Variants in NUDT4 observed in about 807,000 individuals in gnomAD.
NUDT4 encodes the protein diphosphoinositol polyphosphate phosphohydrolase 2.
Under a neutral mutation model 23.1 loss-of-function variants are expected in NUDT4, and 5 were observed. The observed-to-expected ratio is 0.22, with a 90% CI of 0.11 to 0.46. NUDT4 has a LOEUF of 0.46. Among genes scored for constraint, NUDT4 ranks in the 20% least tolerant of loss-of-function variants. NUDT4 has a pLI of 0.99. For synonymous variants in NUDT4, 50 were observed against 79.0 expected, an observed-to-expected ratio of 0.63 and a Z score of 1.95; for missense variants, 96 against 211.6, an observed-to-expected ratio of 0.45 and a Z score of 3.39.
intron 1 of NUDT4, among the ~76,000 whole-genome samples, chr12:93,382,704 T>A (rs1875768272): frequency 7.4e-6 from 1 of 135,770 alleles, no homozygotes; most frequent in Non-Finnish European, 1.5e-5. Flanking sequence ...TGAGACAGAG[T>A]CTCGCTCTGT....
chr12:93,391,330 C>G (rs1876483228), intron 1 of NUDT4, among the ~76,000 whole-genome samples: 1 of 151,858 alleles, frequency 6.6e-6, no homozygotes, highest in South Asian at 2.1e-4. Context: ...TTTGGGAGGC[C>G]AAGGCAGGCA....
Position 93,387,919 on chromosome 12 carries a change from C to A in NUDT4, c.100-6690C>A, listed in dbSNP as rs565816443. Among the ~76,000 whole-genome samples the A allele has an allele frequency of 1.3e-4, 20 of 152,270 alleles. No individual in the cohort carries two copies. The East Asian group carries it at 3.9e-3, about 29-fold the overall frequency. On this transcript the variant is annotated intron_variant, in intron 1 of 4. Coordinates refer to ENST00000415493, the MANE Select transcript of NUDT4 (RefSeq NM_019094.6). ...GTCTATTCTCTTATCTGGAGTGTAT[C>A]CCTCAGTTCTTGCTCACTCTTAGTC...
chr12:93,398,688 C>A, intron 3 of NUDT4, 83 bp from the exon 4 acceptor site: 1 of 860,364 alleles, frequency 1.2e-6, no homozygotes, highest in Non-Finnish European at 1.9e-6. Flanking sequence ...CAGCAGTATG[C>A]CAGACTAATT....
chr12:93,380,500 T>A (rs1875582099), intron 1 of NUDT4, among the ~76,000 whole-genome samples: 1 of 152,144 alleles, frequency 6.6e-6, no homozygotes, highest in Admixed American at 6.5e-5. Context: ...ATTAGAAAAA[T>A]CCATTGTATA....
chr12:93,392,684 T>TCC (rs1555193957), intron 1 of NUDT4, among the ~76,000 whole-genome samples: 7 of 101,590 alleles, frequency 6.9e-5, no homozygotes, highest in South Asian at 6.6e-4. Flanking sequence ...TTTTTTTTTT[T>TCC]CCCCCGAGAT....
In NUDT4 at chr12:93,404,467, C is replaced by G. The variant is rs566740739; in HGVS notation, c.*5088C>G. ...CATACCCTTTCACCCAACAGTTCCA[C>G]TCCTGGGAGTCTAGTCAACAAATGG... On this transcript the variant is annotated 3_prime_UTR_variant, in exon 5 of 5. Transcript: ENST00000415493. 6.6e-6 allele frequency: 1 copy of G among 152,330 alleles called. No homozygotes were observed. Among genetic ancestry groups the G allele is most frequent in the East Asian group, 1.9e-4 (1 of 5,186 alleles). 9.4% of individuals were successfully genotyped at this position (152,330 alleles called of 1,614,324 possible).
In NUDT4 at chr12:93,398,854, T is replaced by A. The variant is rs202057813; in HGVS notation, c.339T>A (p.Ile113=). Reference sequence around the variant, plus strand: ...AAGATTGGGAAGATTCTGTTAATATTGGTAAGTTCCCTTTTGTTATCTGAA... The same window carrying A: ...AAGATTGGGAAGATTCTGTTAATATAGGTAAGTTCCCTTTTGTTATCTGAA... ...ILEDWEDSVN[I]GRKREWFKVE... Residue 113 remains isoleucine, a splice_region_variant and synonymous_variant, in exon 4 of 5, where the codon ATT becomes ATA. Coordinates refer to ENST00000415493, the MANE Select transcript of NUDT4 (RefSeq NM_019094.6). The A allele has an allele frequency of 3.3e-6, 5 of 1,534,240 alleles. No homozygotes were observed. In the Admixed American group the frequency reaches 6.7e-5, roughly 21 times the overall value.
intron 1 of NUDT4, among the ~76,000 whole-genome samples, chr12:93,390,764 C>A (rs1362923417): frequency 6.6e-6 from 1 of 152,066 alleles, no homozygotes; most frequent in African/African-American, 2.4e-5. Context: ...TGTCACCATG[C>A]ATGGCTGATT....
intron 3 of NUDT4, 39 bp from the exon 4 acceptor site, chr12:93,398,732 C>T: frequency 7.1e-7 from 1 of 1,402,626 alleles, no homozygotes; most frequent in Non-Finnish European, 1.0e-6. Context: ...ATGGCTAGCT[C>T]CTGTAGATTA....
At chr12:93,392,245 C>T (rs1274224808) in intron 1 of NUDT4, among the ~76,000 whole-genome samples, 5 of 83,958 alleles carry the variant, frequency 6.0e-5, no homozygotes, top group African/African-American at 2.6e-4. Context: ...CCTTTGTTTC[C>T]CCCCCCCCCT....
Position 93,404,652 on chromosome 12 carries a change from T to C in NUDT4, c.*5273T>C, listed in dbSNP as rs1877701834. The C allele has an allele frequency of 6.6e-6, 1 of 152,200 alleles. No individual in the cohort carries two copies. The highest frequency in any genetic ancestry group is 1.5e-5 in the Non-Finnish European group (1 of 68,040). The allele number at this position is 152,200 out of a possible 1,614,324, so 9.4% of individuals were successfully genotyped here. A position where few individuals can be genotyped will look rare whatever the true frequency, so the allele number is the denominator to read the frequency against. ...GTGCTGCCACAGGGAGTCCTTTCAA[T>C]AGTGATTGAAAAAGGCAGAACACTA... On this transcript the variant is annotated 3_prime_UTR_variant, in exon 5 of 5. Transcript: ENST00000415493.
chr12:93,399,167 T>A lies in NUDT4; in HGVS notation c.341-10T>A. ...GACTGTCTTGTAACCAATGTCATTC[T>A]TTTCTCTAGGAAGGAAGAGAGAGTG... On this transcript the variant is annotated splice_polypyrimidine_tract_variant and intron_variant, in intron 4 of 4. Transcript: ENST00000415493. 1 of 1,606,290 alleles carries A rather than the reference T, an allele frequency of 6.2e-7. No individual in the cohort carries two copies. The highest frequency in any genetic ancestry group is 1.1e-5 in the South Asian group (1 of 90,906).
chr12:93,389,652 C>T (rs575730221), intron 1 of NUDT4, among the ~76,000 whole-genome samples: 2 of 152,064 alleles, frequency 1.3e-5, no homozygotes, highest in South Asian at 4.2e-4. Flanking sequence ...CCTGTAACCC[C>T]AGCACTTTGG....
chr12:93,395,758 G>T (rs1041095820), intron 3 of NUDT4, among the ~76,000 whole-genome samples: 2 of 152,012 alleles, frequency 1.3e-5, no homozygotes, highest in African/African-American at 4.8e-5. Flanking sequence ...GTCTCGCTCT[G>T]TCGCCAGGCT....
chr12:93,396,503 C>T (rs1324958378), intron 3 of NUDT4, among the ~76,000 whole-genome samples: 1 of 152,130 alleles, frequency 6.6e-6, no homozygotes, highest in Non-Finnish European at 1.5e-5. Flanking sequence ...TAGGTTAGTA[C>T]AGCCTTTATA....
intron 1 of NUDT4, among the ~76,000 whole-genome samples, chr12:93,391,973 T>G (rs1291247354): frequency 6.6e-6 from 1 of 151,980 alleles, no homozygotes; most frequent in East Asian, 1.9e-4. Flanking sequence ...AACCTTCGCT[T>G]CCTGAATTCA....
chr12:93,405,304 AT>A lies in NUDT4; in HGVS notation c.*5926del, dbSNP rs1273258859. On this transcript the variant is annotated 3_prime_UTR_variant, in exon 5 of 5. Transcript: ENST00000415493. ...ATGGAACTATTTCAAAAGCAGTCAT[AT>A]GGTAAGATGGATCAGGAGTCTTTAA... 1 of 151,920 alleles carries A rather than the reference AT, an allele frequency of 6.6e-6. No homozygotes were observed. Among genetic ancestry groups the A allele is most frequent in the Non-Finnish European group, 1.5e-5 (1 of 67,960 alleles). 9.4% of individuals were successfully genotyped at this position (151,920 alleles called of 1,614,324 possible).
intron 1 of NUDT4, among the ~76,000 whole-genome samples, chr12:93,391,351 A>G (rs540109828): frequency 6.6e-6 from 1 of 151,892 alleles, no homozygotes; most frequent in Non-Finnish European, 1.5e-5. Context: ...GATCACTTGA[A>G]GTCAGGAGTT....
intron 2 of NUDT4, 87 bp from the exon 3 acceptor site, chr12:93,395,402 T>G (rs1876864175): frequency 4.3e-6 from 4 of 937,452 alleles, no homozygotes; most frequent in Non-Finnish European, 6.9e-6. Context: ...TTAATTAGAT[T>G]TAAGTAAATA....
Sources: allele counts gnomAD v4.1 joint callset (sites outside exome capture counted in the v4.1 genomes callset), GRCh38; gene constraint gnomAD v4.1.1; transcripts MANE v1.5; gene names NCBI Gene and HGNC (gene_info 2026-07-23, HGNC 2026-07-21).